The following ITGA9 variants were observed in gnomAD, a reference collection of about 807,000 sequenced individuals.
The protein encoded by ITGA9 is integrin subunit alpha 9, also known as integrin alpha-9.
In ITGA9, 56 loss-of-function variants were observed where a neutral mutation model predicts 127.8. The ratio of observed to expected loss-of-function variants is 0.44; its 90% CI spans 0.35 to 0.55. The LOEUF (loss-of-function observed/expected upper bound fraction) is 0.55. ITGA9 is among the 20% of genes least tolerant of loss of function. The probability of loss-of-function intolerance (pLI) is 0.00; values close to 1 mark genes in which losing one functional copy is unlikely to be tolerated. For missense variants in ITGA9, 1,196 were observed against 1,347.1 expected (o/e 0.89, Z 1.76); for synonymous variants, 508 against 514.5 (o/e 0.99, Z 0.17).
At chr3:37,461,809 C>G (rs1423792241) in intron 1 of ITGA9, among the ~76,000 whole-genome samples, 1 of 152,040 alleles carries the variant, frequency 6.6e-6, no homozygotes, top group Admixed American at 6.5e-5. Context: ...ATTGTAAATC[C>G]TAGAATTTTG....
chr3:37,808,295 G>A lies in ITGA9; in HGVS notation c.3009+4353G>A, dbSNP rs1697323328. ...CTGCCTGGCCCAGCTCTAGTCAAAT[G>A]TCTACTCCCATCAACTGTGGAAGGG... is the stretch of plus-strand genomic sequence containing the variant. On this transcript the variant is annotated intron_variant, in intron 27 of 27. Transcript: ENST00000264741. 3.9e-5 allele frequency: 6 copies of A among 152,302 alleles called. No homozygotes were observed. The South Asian group carries it at 1.2e-3, about 32-fold the overall frequency. 9.4% of individuals were successfully genotyped at this position (152,302 alleles called of 1,614,324 possible).
chr3:37,773,625 TA>T (rs545294672), intron 23 of ITGA9, among the ~76,000 whole-genome samples: 172 of 152,000 alleles, frequency 1.1e-3, no homozygotes, highest in African/African-American at 4.1e-3. Context: ...GAATCAGAAC[TA>T]TGATTGCCTT....
intron 19 of ITGA9, among the ~76,000 whole-genome samples, chr3:37,734,012 T>C (rs1696328833): frequency 6.6e-6 from 1 of 152,146 alleles, no homozygotes; most frequent in Non-Finnish European, 1.5e-5. Flanking sequence ...CAGGCACGTG[T>C]GGGAATGTGG....
intron 18 of ITGA9, among the ~76,000 whole-genome samples, chr3:37,692,564 T>G (rs911109794): frequency 3.3e-5 from 5 of 152,144 alleles, no homozygotes; most frequent in African/African-American, 1.2e-4. Context: ...TAAATATAGG[T>G]CAGTTCAATA....
At chr3:37,813,860 G>A (rs1294899188) in intron 27 of ITGA9, among the ~76,000 whole-genome samples, 4 of 151,942 alleles carry the variant, frequency 2.6e-5, no homozygotes, top group African/African-American at 4.8e-5. Context: ...TTTCCTCATC[G>A]GTAAAATTGA....
chr3:37,505,953 TC>T, intron 6 of ITGA9, 46 bp from the exon 7 acceptor site: 2 of 1,329,598 alleles, frequency 1.5e-6, no homozygotes, highest in Admixed American at 1.9e-5. Context: ...TTTTTTCCCT[TC>T]CCTTCTTTTT....
At chr3:37,748,896 T>C in intron 22 of ITGA9, 2 of 915,344 alleles carry the variant, frequency 2.2e-6, no homozygotes, top group Non-Finnish European at 3.6e-6. Context: ...TATGAATTCA[T>C]GGCATAATAG....
intron 23 of ITGA9, among the ~76,000 whole-genome samples, chr3:37,761,212 T>C (rs1302499544): frequency 6.6e-6 from 1 of 152,204 alleles, no homozygotes; most frequent in Admixed American, 6.5e-5. Flanking sequence ...ATCTAAAAAA[T>C]TGTTAAGATC....
chr3:37,565,335 G>A (rs1472582051), intron 15 of ITGA9, among the ~76,000 whole-genome samples: 1 of 152,176 alleles, frequency 6.6e-6, no homozygotes, highest in Non-Finnish European at 1.5e-5. Context: ...CTCCTATAGT[G>A]TTGTCCTAGA....
intron 23 of ITGA9, among the ~76,000 whole-genome samples, chr3:37,759,639 T>C (rs1336756087): frequency 2.6e-5 from 4 of 152,210 alleles, no homozygotes; most frequent in Admixed American, 2.0e-4. Flanking sequence ...TGGTGGCTCA[T>C]GCCTGTAATC....
At chr3:37,611,600 C>G (rs75907013) in intron 15 of ITGA9, among the ~76,000 whole-genome samples, 1 of 152,136 alleles carries the variant, frequency 6.6e-6, no homozygotes, top group Admixed American at 6.5e-5. Flanking sequence ...GCAAATCATT[C>G]AGGGTAATTG....
At chr3:37,749,380 A>C (rs1177073512) in intron 22 of ITGA9, 1 of 153,330 alleles carries the variant, frequency 6.5e-6, no homozygotes, top group Non-Finnish European at 1.4e-5. Context: ...TAGCAACCTT[A>C]ATTCCCCCTG....
chr3:37,551,211 A>T (rs1343999552), intron 15 of ITGA9, among the ~76,000 whole-genome samples: 3 of 152,064 alleles, frequency 2.0e-5, no homozygotes, highest in Admixed American at 2.0e-4. Flanking sequence ...AATGGAAAAG[A>T]TTTCATTTAA....
chr3:37,462,703 A>AAAGGAG (rs1698328670), intron 1 of ITGA9, among the ~76,000 whole-genome samples: 1 of 152,202 alleles, frequency 6.6e-6, no homozygotes, highest in Non-Finnish European at 1.5e-5. Context: ...CCTGAAAGGA[A>AAAGGAG]AAGGGCTTCT....
At chr3:37,467,559 A>G (rs1002188086) in intron 1 of ITGA9, among the ~76,000 whole-genome samples, 1 of 152,208 alleles carries the variant, frequency 6.6e-6, no homozygotes, top group Non-Finnish European at 1.5e-5. Flanking sequence ...CAGGGTTCCA[A>G]TGCCAGTTTG....
At chr3:37,703,712 G>A (rs1358815118) in intron 18 of ITGA9, among the ~76,000 whole-genome samples, 1 of 152,234 alleles carries the variant, frequency 6.6e-6, no homozygotes, top group Non-Finnish European at 1.5e-5. Context: ...AACCAACATA[G>A]TTGCAACAGC....
intron 16 of ITGA9, among the ~76,000 whole-genome samples, chr3:37,652,775 C>T (rs1204650898): frequency 3.9e-5 from 6 of 152,188 alleles, no homozygotes; most frequent in Admixed American, 6.5e-5. Context: ...CTCTTCTCTC[C>T]AAATTCCACT....
intron 17 of ITGA9, among the ~76,000 whole-genome samples, chr3:37,680,239 C>T (rs1257486857): frequency 6.6e-6 from 1 of 152,172 alleles, no homozygotes; most frequent in East Asian, 1.9e-4. Context: ...TTTGACAACA[C>T]CCAATATCAT....
chr3:37,495,804 C>T (rs1698722069), intron 5 of ITGA9, among the ~76,000 whole-genome samples: 1 of 152,214 alleles, frequency 6.6e-6, no homozygotes, highest in Non-Finnish European at 1.5e-5. Context: ...TAGGTTAGAA[C>T]ACTTTATCAC....
Sources: allele counts gnomAD v4.1 joint callset (sites outside exome capture counted in the v4.1 genomes callset), GRCh38; gene constraint gnomAD v4.1.1; transcripts MANE v1.5; gene names NCBI Gene and HGNC (gene_info 2026-07-23, HGNC 2026-07-21).